FSTL4: variants seen among roughly 807,000 people sequenced by gnomAD.
FSTL4 encodes the protein follistatin like 4.
A neutral mutation model predicts 78.2 loss-of-function variants in FSTL4; 28 were observed. The ratio of observed to expected loss-of-function variants is 0.36; its 90% CI spans 0.27 to 0.49. The LOEUF (loss-of-function observed/expected upper bound fraction) is 0.49. Among genes scored for constraint, FSTL4 ranks in the 20% least tolerant of loss-of-function variants. The pLI is 0.98. For synonymous variants in FSTL4, 422 were observed against 440.5 expected (o/e 0.96, Z 0.53); for missense variants, 922 against 1,084.9 (o/e 0.85, Z 2.11).
intron 3 of FSTL4, among the ~76,000 whole-genome samples, chr5:133,461,195 G>A (rs751757175): frequency 5.9e-5 from 9 of 152,126 alleles, no homozygotes; most frequent in Admixed American, 1.3e-4. Context: ...CTGTCAATGT[G>A]GCTCTGATAT....
At chr5:133,630,779 G>C in the FSTL4 span, among the ~76,000 whole-genome samples, 1 of 152,118 alleles carries the variant, frequency 6.6e-6, no homozygotes, top group African/African-American at 2.4e-5. Context: ...CATTGTACTG[G>C]TACCAAAACT....
the FSTL4 span, among the ~76,000 whole-genome samples, chr5:133,757,123 ACCTGCACAAATGGT>A: frequency 1.3e-5 from 2 of 152,168 alleles, no homozygotes; most frequent in East Asian, 1.9e-4. Flanking sequence ...AAATGGTCTA[ACCTGCACAAATGGT>A]CCTGCACAAA....
At chr5:133,325,489 G>T (rs1754187780) in intron 4 of FSTL4, among the ~76,000 whole-genome samples, 1 of 152,178 alleles carries the variant, frequency 6.6e-6, no homozygotes, top group Non-Finnish European at 1.5e-5. Context: ...GGGGAACGCA[G>T]GACATGGCTC....
the FSTL4 span, among the ~76,000 whole-genome samples, chr5:133,677,729 C>T: frequency 7.9e-5 from 12 of 152,264 alleles, no homozygotes; most frequent in South Asian, 1.9e-3. Context: ...CAGGGACTTT[C>T]GTCAAGTTGC....
At chr5:133,829,225 AC>A in the FSTL4 span, among the ~76,000 whole-genome samples, 101 of 152,280 alleles carry the variant, frequency 6.6e-4, no homozygotes, top group African/African-American at 2.4e-3. Flanking sequence ...CCCTGTTTCT[AC>A]TAAAAATACA....
chr5:133,755,273 C>G, the FSTL4 span, among the ~76,000 whole-genome samples: 6 of 152,184 alleles, frequency 3.9e-5, no homozygotes, highest in Admixed American at 3.9e-4. Flanking sequence ...AACCTACACC[C>G]AGGATAGCAC....
the FSTL4 span, among the ~76,000 whole-genome samples, chr5:133,764,639 C>T: frequency 6.6e-6 from 1 of 152,192 alleles, no homozygotes; most frequent in Non-Finnish European, 1.5e-5. Context: ...CAGGTGGACT[C>T]CTGGGGGTCT....
intron 14 of FSTL4, among the ~76,000 whole-genome samples, chr5:133,204,187 A>G (rs1444033530): frequency 6.6e-6 from 1 of 152,188 alleles, no homozygotes; most frequent in African/African-American, 2.4e-5. Flanking sequence ...GCTGGGAGGC[A>G]GCTAAAAGCT....
chr5:133,227,294 G>A (rs1216231215), intron 8 of FSTL4, among the ~76,000 whole-genome samples: 3 of 152,246 alleles, frequency 2.0e-5, no homozygotes, highest in African/African-American at 7.2e-5. Flanking sequence ...GCCACTAGGG[G>A]TGGAGGAGGT....
At chr5:133,252,556 A>G (rs1489341087) in intron 6 of FSTL4, among the ~76,000 whole-genome samples, 1 of 152,076 alleles carries the variant, frequency 6.6e-6, no homozygotes, top group Non-Finnish European at 1.5e-5. Context: ...CCTGAGAACC[A>G]CTGTGTTACA....
At chr5:133,504,004 G>C (rs1379741464) in intron 3 of FSTL4, among the ~76,000 whole-genome samples, 1 of 152,134 alleles carries the variant, frequency 6.6e-6, no homozygotes, top group Non-Finnish European at 1.5e-5. Flanking sequence ...CCGAGCAAAG[G>C]GGGAAACCCC....
intron 3 of FSTL4, among the ~76,000 whole-genome samples, chr5:133,515,389 T>A (rs1187882486): frequency 6.7e-6 from 1 of 149,718 alleles, no homozygotes; most frequent in Admixed American, 6.7e-5. Context: ...GAGAACCCCA[T>A]CTCTTAAAAG....
At chr5:133,682,912 G>A in the FSTL4 span, among the ~76,000 whole-genome samples, 94,444 of 151,886 alleles carry the variant, frequency 0.62, 29,575 homozygotes, top group South Asian at 0.71. Flanking sequence ...GCAGAGTAAG[G>A]CTTGTGTACA....
At chr5:133,262,883 A>T (rs1752565875) in intron 6 of FSTL4, among the ~76,000 whole-genome samples, 1 of 151,906 alleles carries the variant, frequency 6.6e-6, no homozygotes, top group African/African-American at 2.4e-5. Context: ...AGGTTCTGTC[A>T]GGAAGGAGGG....
intron 4 of FSTL4, among the ~76,000 whole-genome samples, chr5:133,389,711 A>G (rs916916980): frequency 2.0e-5 from 3 of 152,226 alleles, no homozygotes; most frequent in Admixed American, 6.5e-5. Flanking sequence ...ACAAGCTTGC[A>G]CGGGGAAAAG....
the FSTL4 span, among the ~76,000 whole-genome samples, chr5:133,663,375 G>A: frequency 6.6e-6 from 1 of 152,174 alleles, no homozygotes; most frequent in South Asian, 2.1e-4. Flanking sequence ...TCTACATCCT[G>A]TTCTTGCAAT....
At chr5:133,485,883 C>CA (rs1758122417) in intron 3 of FSTL4, among the ~76,000 whole-genome samples, 1 of 152,248 alleles carries the variant, frequency 6.6e-6, no homozygotes, top group Admixed American at 6.5e-5. Context: ...CATTACTTGT[C>CA]ACAGTGGGCT....
At chr5:133,759,577 T>C in the FSTL4 span, among the ~76,000 whole-genome samples, 1 of 152,244 alleles carries the variant, frequency 6.6e-6, no homozygotes, top group African/African-American at 2.4e-5. Context: ...CCCAGTACTA[T>C]GTGATATATA....
intron 4 of FSTL4, among the ~76,000 whole-genome samples, chr5:133,395,004 T>C (rs1057017778): frequency 7.9e-5 from 12 of 152,192 alleles, no homozygotes; most frequent in Non-Finnish European, 1.5e-4. Flanking sequence ...AGAACTTTTC[T>C]GTCTAGCTCA....
Sources: gnomAD v4.1 joint callset for allele counts (sites outside exome capture counted in the v4.1 genomes callset) on GRCh38, gnomAD v4.1.1 for gene constraint, MANE v1.5 for transcripts, NCBI Gene and HGNC (gene_info 2026-07-23, HGNC 2026-07-21) for gene names.